RASGRP1: variants seen among roughly 807,000 people sequenced by gnomAD.
The protein encoded by RASGRP1 is RAS guanyl releasing protein 1, also known as RAS guanyl-releasing protein 1.
In RASGRP1, 37 loss-of-function variants were observed where a neutral mutation model predicts 95.1. The observed-to-expected ratio is 0.39, with a 90% CI of 0.30 to 0.51. The LOEUF is 0.51. Among genes scored for constraint, RASGRP1 ranks in the 20% least tolerant of loss-of-function variants. The pLI is 0.80. For missense variants in RASGRP1, 711 were observed against 965.4 expected, an observed-to-expected ratio of 0.74 and a Z score of 3.49; for synonymous variants, 325 against 353.4, an observed-to-expected ratio of 0.92 and a Z score of 0.90.
At chr15:38,524,600 C>T (rs758371135) in intron 3 of RASGRP1, among the ~76,000 whole-genome samples, 13 of 152,120 alleles carry the variant, frequency 8.5e-5, no homozygotes, top group Non-Finnish European at 1.5e-4. Flanking sequence ...CTGGTGACAT[C>T]AGAGGAAAGT....
chr15:38,519,240 A>C lies in RASGRP1; in HGVS notation c.389+69T>G, dbSNP rs1891903731. Reference sequence around the variant, plus strand: ...TCTATAGAGGTCAGGAAAGGCAGGGAAAGTCCCTTGCTTCACCTTTCATTT... The same window carrying C: ...TCTATAGAGGTCAGGAAAGGCAGGGCAAGTCCCTTGCTTCACCTTTCATTT... On this transcript the variant is annotated intron_variant, in intron 4 of 16. Coordinates refer to ENST00000310803, the MANE Select transcript of RASGRP1 (RefSeq NM_005739.4). The C allele has an allele frequency of 1.2e-5, 16 of 1,339,066 alleles. No individual in the cohort carries two copies. In the South Asian group the frequency reaches 2.0e-4, roughly 17 times the overall value. 82.9% of individuals were successfully genotyped at this position (1,339,066 alleles called of 1,614,324 possible). A position where few individuals can be genotyped will look rare whatever the true frequency, so the allele number is the denominator to read the frequency against.
At chr15:38,564,137 C>T (rs964455628) in intron 1 of RASGRP1, among the ~76,000 whole-genome samples, 3 of 152,236 alleles carry the variant, frequency 2.0e-5, no homozygotes, top group African/African-American at 7.2e-5. Context: ...GGTGCCACCT[C>T]TGCGGGCTCC....
chr15:38,501,108 A>C, intron 13 of RASGRP1, 35 bp downstream of exon 13: 1 of 1,555,736 alleles, frequency 6.4e-7, no homozygotes, highest in Non-Finnish European at 8.7e-7. Context: ...ACTCTTCCCC[A>C]AATTCAGCCC....
chr15:38,559,553 C>A (rs1409334140), intron 2 of RASGRP1, among the ~76,000 whole-genome samples: 1 of 152,174 alleles, frequency 6.6e-6, no homozygotes, highest in Non-Finnish European at 1.5e-5. Flanking sequence ...TGATATTTTT[C>A]ATCACAAGAA....
chr15:38,519,162 A>C, intron 4 of RASGRP1, 147 bp downstream of exon 4: 1 of 495,012 alleles, frequency 2.0e-6, no homozygotes, highest in Non-Finnish European at 3.5e-6. Context: ...CAAGTACACC[A>C]GAGAAAATTC....
intron 1 of RASGRP1, among the ~76,000 whole-genome samples, chr15:38,562,469 A>T (rs1191854923): frequency 1.3e-5 from 2 of 152,180 alleles, no homozygotes; most frequent in Non-Finnish European, 2.9e-5. Flanking sequence ...CCCTTCCTGG[A>T]AGCACTAACA....
intron 2 of RASGRP1, among the ~76,000 whole-genome samples, chr15:38,552,588 C>T (rs1413183104): frequency 6.6e-6 from 1 of 152,122 alleles, no homozygotes; most frequent in East Asian, 1.9e-4. Context: ...CATTATATAG[C>T]GTTTGTACCA....
At chr15:38,550,838 C>T (rs539821173) in intron 2 of RASGRP1, among the ~76,000 whole-genome samples, 61 of 152,146 alleles carry the variant, frequency 4.0e-4, no homozygotes, top group African/African-American at 1.2e-3. Flanking sequence ...AAATGAGTGA[C>T]GGTAATTTTT....
At chr15:38,543,938 G>C (rs1294923703) in intron 2 of RASGRP1, among the ~76,000 whole-genome samples, 2 of 151,748 alleles carry the variant, frequency 1.3e-5, no homozygotes, top group Non-Finnish European at 2.9e-5. Flanking sequence ...ACATTTTCCT[G>C]CTTCTTTTTC....
At chr15:38,512,668 C>T in intron 7 of RASGRP1, 115 bp downstream of exon 7, 3 of 1,297,006 alleles carry the variant, frequency 2.3e-6, no homozygotes, top group East Asian at 2.5e-5. Context: ...TCTCCACCCC[C>T]TCGCCATGGT....
At position 38,518,331 on chromosome 15, in the gene RASGRP1, C is replaced by T; in HGVS notation, c.482G>A (p.Gly161Asp). The part of the protein sequence containing the change: ...EEFQELVKAK[G>D]EELHCRLIDT... ...AATCAGGCGGCAATGTAACTCCTCA[C>T]CCTTAGCTTTCACCAGTTCCTGAAA... Residue 161 changes from glycine to aspartate, a missense_variant, in exon 5 of 17, where the codon GGT (glycine) becomes GAT (aspartate). Transcript: ENST00000310803. 2 of 1,610,436 alleles carry T rather than the reference C, an allele frequency of 1.2e-6. No individual in the cohort carries two copies. Among genetic ancestry groups the T allele is most frequent in the Non-Finnish European group, 1.7e-6 (2 of 1,178,430 alleles).
At chr15:38,513,465 T>A (rs1178725188) in intron 6 of RASGRP1, among the ~76,000 whole-genome samples, 2 of 152,210 alleles carry the variant, frequency 1.3e-5, no homozygotes, top group Non-Finnish European at 2.9e-5. Context: ...CTTTAACTTT[T>A]TAAAGTGTTA....
intron 16 of RASGRP1, among the ~76,000 whole-genome samples, chr15:38,491,907 AT>A (rs921284967): frequency 2.0e-5 from 3 of 152,112 alleles, no homozygotes; most frequent in African/African-American, 7.2e-5. Flanking sequence ...TGCCAACCAC[AT>A]TTTTCCTTTT....
chr15:38,492,535 A>G (rs148103414), intron 16 of RASGRP1, among the ~76,000 whole-genome samples: 6 of 152,338 alleles, frequency 3.9e-5, no homozygotes, highest in East Asian at 1.9e-4. Context: ...CAGGTCTCCA[A>G]AAACACAGTG....
In RASGRP1 at chr15:38,564,690, C is replaced by G; in HGVS notation, c.-62G>C. ...CGCGGCCGGGCGCGGCGCATCGCCC[C>G]CGCCACCACCGCCGCCGCCTGCCGG... is the stretch of plus-strand genomic sequence containing the variant. On this transcript the variant is annotated 5_prime_UTR_variant, in exon 1 of 17. Transcript: ENST00000310803. 1 of 1,181,650 alleles carries G rather than the reference C, an allele frequency of 8.5e-7. No individual in the cohort carries two copies. Among genetic ancestry groups the G allele is most frequent in the East Asian group, 3.7e-5 (1 of 27,350 alleles). 73.2% of individuals were successfully genotyped at this position (1,181,650 alleles called of 1,614,324 possible). A position where few individuals can be genotyped will look rare whatever the true frequency, so the allele number is the denominator to read the frequency against.
In RASGRP1 at chr15:38,500,100, T is replaced by TA; in HGVS notation, c.1720+2dup. The stretch of plus-strand genomic sequence containing the variant: ...GGAATATGTCAACAATATTGAGTCT[T>TA]ACCTTTACATCGATATCCTTGTTTG... On this transcript the variant is annotated splice_region_variant and intron_variant, in intron 14 of 16. Coordinates refer to ENST00000310803, the MANE Select transcript of RASGRP1 (RefSeq NM_005739.4). 1 of 1,612,882 alleles carries TA rather than the reference T, an allele frequency of 6.2e-7. No homozygotes were observed. The highest frequency in any genetic ancestry group is 8.5e-7 in the Non-Finnish European group (1 of 1,179,564).
chr15:38,503,562 G>A lies in RASGRP1; in HGVS notation c.1324-186C>T, dbSNP rs1166025206. The A allele has an allele frequency of 1.8e-5, 11 of 603,248 alleles. No homozygotes were observed. In the Admixed American group the frequency reaches 3.3e-4, roughly 18 times the overall value. 37.4% of individuals were successfully genotyped at this position (603,248 alleles called of 1,614,324 possible). On this transcript the variant is annotated intron_variant, in intron 10 of 16. Coordinates refer to ENST00000310803, the MANE Select transcript of RASGRP1 (RefSeq NM_005739.4). ...ATAATTTTGGCTAACAAGGCATTGT[G>A]CTTACGGTTTCCAGAGTGCTCTTCA...
At position 38,559,993 on chromosome 15, in the gene RASGRP1, A is replaced by ATGGGAAGGTT; in HGVS notation, c.38_47dup (p.His16GlnfsTer11). The ATGGGAAGGTT allele has an allele frequency of 1.2e-6, 2 of 1,611,788 alleles. No individual in the cohort carries two copies. Among genetic ancestry groups the ATGGGAAGGTT allele is most frequent in the Non-Finnish European group, 1.7e-6 (2 of 1,178,880 alleles). Reference sequence around the variant, plus strand: ...TTGCTTTAGAGGCAGCTCTGCAGCCATGGGAAGGTTTCCTGGGGAAAGAGA... The same window carrying ATGGGAAGGTT: ...TTGCTTTAGAGGCAGCTCTGCAGCCATGGGAAGGTTTGGGAAGGTTTCCTGGGGAAAGAGA... On this transcript the variant is annotated frameshift_variant, in exon 2 of 17. Coordinates refer to ENST00000310803, the MANE Select transcript of RASGRP1 (RefSeq NM_005739.4). LOFTEE classifies it high-confidence loss of function.
intron 6 of RASGRP1, among the ~76,000 whole-genome samples, chr15:38,514,389 T>G (rs1251688232): frequency 6.6e-6 from 1 of 152,152 alleles, no homozygotes; most frequent in Non-Finnish European, 1.5e-5. Context: ...ATTAATATAT[T>G]CCAGTGAATA....
Sources: allele counts gnomAD v4.1 joint callset (sites outside exome capture counted in the v4.1 genomes callset), GRCh38; gene constraint gnomAD v4.1.1; transcripts MANE v1.5; gene names NCBI Gene and HGNC (gene_info 2026-07-23, HGNC 2026-07-21).